COL23A1: variants seen among roughly 807,000 people sequenced by gnomAD.
The protein encoded by COL23A1 is collagen type XXIII alpha 1 chain.
In COL23A1, 97 loss-of-function variants were observed where a neutral mutation model predicts 99.3. That is an observed-to-expected ratio of 0.98 (90% CI 0.83 to 1.16). The LOEUF is 1.16. Among genes scored for constraint, COL23A1 ranks in the 50% most tolerant of loss-of-function variants. The probability of loss-of-function intolerance (pLI) is 0.00; values close to 1 mark genes in which losing one functional copy is unlikely to be tolerated. For synonymous variants in COL23A1, 320 were observed against 308.2 expected (o/e 1.04, Z -0.40); for missense variants, 762 against 757.4 (o/e 1.01, Z -0.07).
Position 178,538,090 on chromosome 5 carries a change from T to C in COL23A1, c.361+22592A>G, listed in dbSNP as rs115332942. On this transcript the variant is annotated intron_variant, in intron 2 of 28. Transcript: ENST00000390654. ...TATGCTATTGTATGGATATGCTGCA[T>C]TCTGTTTGTCTATTCATCTGTGCTA... Among the ~76,000 whole-genome samples the C allele has an allele frequency of 7.9e-3, 1,199 of 152,296 alleles. 17 individuals carry two copies. Among genetic ancestry groups the C allele is most frequent in the African/African-American group, 0.024 (1,013 of 41,554 alleles).
In COL23A1 at chr5:178,301,499, T is replaced by G. The variant is rs557563476; in HGVS notation, c.406+5376A>C. Reference sequence around the variant, plus strand: ...CTGCCCTACTTTCCTGTCTTCTAATTTTTTGCTAAAAATTGGACATCTAAA... The same window carrying G: ...CTGCCCTACTTTCCTGTCTTCTAATGTTTTGCTAAAAATTGGACATCTAAA... On this transcript the variant is annotated intron_variant, in intron 3 of 28. Transcript: ENST00000390654. Among the ~76,000 whole-genome samples, 6 of 152,374 alleles carry G rather than the reference T, an allele frequency of 3.9e-5. No homozygotes were observed. The South Asian group carries it at 1.2e-3, about 32-fold the overall frequency.
At chr5:178,585,318 G>A (rs982684344) in intron 1 of COL23A1, among the ~76,000 whole-genome samples, 5 of 151,320 alleles carry the variant, frequency 3.3e-5, no homozygotes, top group Non-Finnish European at 7.4e-5. Flanking sequence ...TGACCCTGGG[G>A]TAACACTTGT....
At chr5:178,464,631 G>A (rs1184529144) in intron 2 of COL23A1, among the ~76,000 whole-genome samples, 5 of 152,238 alleles carry the variant, frequency 3.3e-5, no homozygotes, top group African/African-American at 7.2e-5. Flanking sequence ...GTGCAGGAAA[G>A]CCGGCTCCGT....
intron 2 of COL23A1, among the ~76,000 whole-genome samples, chr5:178,416,048 A>G (rs1765289435): frequency 6.6e-6 from 1 of 152,144 alleles, no homozygotes; most frequent in African/African-American, 2.4e-5. Context: ...AGTCCCAAAC[A>G]TCAGCTGCCC....
intron 2 of COL23A1, among the ~76,000 whole-genome samples, chr5:178,345,569 T>C (rs1378454710): frequency 6.6e-6 from 1 of 151,576 alleles, no homozygotes; most frequent in Non-Finnish European, 1.5e-5. Context: ...CAGGCTGGAG[T>C]GCAGTGGCGC....
chr5:178,422,645 G>A (rs764872586), intron 2 of COL23A1, among the ~76,000 whole-genome samples: 5 of 152,036 alleles, frequency 3.3e-5, no homozygotes, highest in Non-Finnish European at 7.4e-5. Flanking sequence ...CCACCCCCAC[G>A]TGGTCGCCAT....
intron 2 of COL23A1, among the ~76,000 whole-genome samples, chr5:178,436,586 C>T (rs1171286991): frequency 1.3e-5 from 2 of 152,192 alleles, no homozygotes; most frequent in African/African-American, 4.8e-5. Flanking sequence ...AGGGCTGACT[C>T]GGAACAAGAG....
intron 2 of COL23A1, among the ~76,000 whole-genome samples, chr5:178,357,800 G>A (rs535465196): frequency 1.1e-3 from 171 of 150,076 alleles, no homozygotes; most frequent in Non-Finnish European, 1.3e-3. Flanking sequence ...GTGTGTATGT[G>A]TGTGTGTATG....
rs1323873822 is a variant in COL23A1, at chr5:178,313,678, C to T, written c.362-6759G>A. 6.6e-6 allele frequency among the ~76,000 whole-genome samples: 1 copy of T among 152,188 alleles called. No homozygotes were observed. Among genetic ancestry groups the T allele is most frequent in the Non-Finnish European group, 1.5e-5 (1 of 68,042 alleles). On this transcript the variant is annotated intron_variant, in intron 2 of 28. Coordinates refer to ENST00000390654, the MANE Select transcript of COL23A1 (RefSeq NM_173465.4). The surrounding 1 kb of genome is among the most constrained non-coding windows in gnomAD (Gnocchi z 4.2). The stretch of plus-strand genomic sequence containing the variant: ...TCATCCCACCACGTGTCGAGTGTCC[C>T]TTCAGACCTGGTCCTTCTCAACACC...
At chr5:178,248,282 CTT>C (rs746610828) in intron 19 of COL23A1, 28 bp from the exon 20 acceptor site, 5 of 1,592,766 alleles carry the variant, frequency 3.1e-6, no homozygotes, top group Non-Finnish European at 4.3e-6. Context: ...CCTGTGAGTC[CTT>C]TGTGTCCAGC....
intron 1 of COL23A1, among the ~76,000 whole-genome samples, chr5:178,585,584 TGGATGGCGCTGGGGTAACACTCC>T (rs1763926135): frequency 6.6e-6 from 1 of 151,572 alleles, no homozygotes; most frequent in Admixed American, 6.5e-5. Flanking sequence ...TCCACAGCCC[TGGATGGCGCTGGGGTAACACTCC>T]ACAGCCCTGG....
chr5:178,406,731 T>C (rs2127773840), intron 2 of COL23A1, among the ~76,000 whole-genome samples: 1 of 152,322 alleles, frequency 6.6e-6, no homozygotes, highest in African/African-American at 2.4e-5. Context: ...CCTGGCTACC[T>C]ACACTCTTTA....
intron 2 of COL23A1, among the ~76,000 whole-genome samples, chr5:178,535,134 G>A (rs764965639): frequency 4.0e-5 from 6 of 151,630 alleles, no homozygotes; most frequent in African/African-American, 7.3e-5. Flanking sequence ...TACCACACCC[G>A]GCTAATTTTT....
chr5:178,355,288 A>C (rs558859125), intron 2 of COL23A1, among the ~76,000 whole-genome samples: 81 of 152,298 alleles, frequency 5.3e-4, no homozygotes, highest in African/African-American at 1.8e-3. Flanking sequence ...AAATAAGATA[A>C]ATAAAATAAA....
At chr5:178,417,942 T>C (rs1765402716) in intron 2 of COL23A1, among the ~76,000 whole-genome samples, 1 of 152,256 alleles carries the variant, frequency 6.6e-6, no homozygotes, top group African/African-American at 2.4e-5. Flanking sequence ...GGGTTTGTTT[T>C]TCAGTCCTGG....
chr5:178,315,543 T>C (rs75046633), intron 2 of COL23A1, among the ~76,000 whole-genome samples: 2,226 of 152,300 alleles, frequency 0.015, 54 homozygotes, highest in African/African-American at 0.05. Context: ...TTCTTCCTTT[T>C]CAGGGAAATG....
Position 178,418,382 on chromosome 5 carries a change from C to G in COL23A1, c.362-111463G>C, listed in dbSNP as rs183858430. Among the ~76,000 whole-genome samples, 35 of 152,370 alleles carry G rather than the reference C, an allele frequency of 2.3e-4. No homozygotes were observed. In the South Asian group the frequency reaches 7.2e-3, roughly 32 times the overall value. On this transcript the variant is annotated intron_variant, in intron 2 of 28. Transcript: ENST00000390654. ...ACTTAAGGCTTGAAGTTCCTCCATGCAGTGGAGTCCTTCCCCTACGTTCCA... is the reference window on the plus strand; with the variant it reads ...ACTTAAGGCTTGAAGTTCCTCCATGGAGTGGAGTCCTTCCCCTACGTTCCA...
intron 19 of COL23A1, 26 bp downstream of exon 19, chr5:178,249,091 A>T: frequency 6.2e-7 from 1 of 1,607,478 alleles, no homozygotes; most frequent in Non-Finnish European, 8.5e-7. Flanking sequence ...AGGAGGCGTA[A>T]TGTGTGGCCC....
At chr5:178,338,964 AGC>A (rs1760506365) in intron 2 of COL23A1, among the ~76,000 whole-genome samples, 1 of 152,132 alleles carries the variant, frequency 6.6e-6, no homozygotes, top group Non-Finnish European at 1.5e-5. Flanking sequence ...TGGAAACAGA[AGC>A]TCAGGGCTGC....
Sources: gnomAD v4.1 joint callset for allele counts (sites outside exome capture counted in the v4.1 genomes callset) on GRCh38, gnomAD v4.1.1 for gene constraint, Gnocchi (gnomAD v3.1) non-coding constraint, MANE v1.5 for transcripts, NCBI Gene and HGNC (gene_info 2026-07-23, HGNC 2026-07-21) for gene names.